The following TENM3 variants were observed in gnomAD, a reference collection of about 807,000 sequenced individuals.
The protein encoded by TENM3 is teneurin transmembrane protein 3, also known as teneurin-3.
TENM3 carries 63 observed loss-of-function variants against 255.1 expected under a neutral mutation model. The ratio of observed to expected loss-of-function variants is 0.25; its 90% CI spans 0.20 to 0.30. The LOEUF (loss-of-function observed/expected upper bound fraction) is 0.30, where lower values mean the gene tolerates loss of function less well. Among genes scored for constraint, TENM3 ranks in the 10% least tolerant of loss-of-function variants. The pLI, the probability that TENM3 is intolerant of heterozygous loss-of-function variation, is 1.00. For missense variants in TENM3, 2,929 were observed against 3,461.1 expected (o/e 0.85, Z 3.86); for synonymous variants, 1,306 against 1,322.3 (o/e 0.99, Z 0.27).
chr4:182,598,426 G>C (rs958466155), intron 3 of TENM3, among the ~76,000 whole-genome samples: 1 of 152,180 alleles, frequency 6.6e-6, no homozygotes, highest in South Asian at 2.1e-4. Context: ...CTTGTACGCT[G>C]TAAGTTCTCA....
intron 1 of TENM3, among the ~76,000 whole-genome samples, chr4:182,216,013 G>T (rs1413403697): frequency 1.3e-5 from 2 of 152,188 alleles, no homozygotes; most frequent in African/African-American, 4.8e-5. Context: ...AAAGTTTATG[G>T]AGAATTTCTT....
the TENM3 span, among the ~76,000 whole-genome samples, chr4:181,888,559 T>TAC: frequency 1.1e-4 from 11 of 101,408 alleles, no homozygotes; most frequent in East Asian, 5.4e-4. Flanking sequence ...TGTATATATA[T>TAC]ACATATATGT....
chr4:182,398,317 T>C (rs1768991881), intron 3 of TENM3, among the ~76,000 whole-genome samples: 1 of 152,104 alleles, frequency 6.6e-6, no homozygotes, highest in Admixed American at 6.5e-5. Flanking sequence ...AGAACCAGAA[T>C]GTAAGGACAA....
chr4:182,080,100 G>A, the TENM3 span, among the ~76,000 whole-genome samples: 1 of 152,200 alleles, frequency 6.6e-6, no homozygotes, highest in Non-Finnish European at 1.5e-5. Context: ...CTTGAATAGT[G>A]AGCTCTTTGT....
At chr4:182,119,806 A>G in the TENM3 span, among the ~76,000 whole-genome samples, 4 of 152,168 alleles carry the variant, frequency 2.6e-5, no homozygotes, top group East Asian at 7.8e-4. Flanking sequence ...TCCTGGGCTC[A>G]AGCTCCCACC....
chr4:182,047,465 G>A, the TENM3 span, among the ~76,000 whole-genome samples: 1 of 149,430 alleles, frequency 6.7e-6, no homozygotes, highest in South Asian at 2.1e-4. Context: ...AGGAGGCTGA[G>A]GCAGGGAAAT....
At chr4:181,761,102 G>T in the TENM3 span, among the ~76,000 whole-genome samples, 189 of 151,478 alleles carry the variant, frequency 1.2e-3, no homozygotes, top group African/African-American at 4.3e-3. Flanking sequence ...TACTCTAAAC[G>T]TCTCTATATT....
intron 3 of TENM3, among the ~76,000 whole-genome samples, chr4:182,448,538 G>C (rs961009695): frequency 1.5e-4 from 23 of 152,224 alleles, no homozygotes; most frequent in African/African-American, 5.3e-4. Context: ...TCCGTTCATG[G>C]GTTGGGAGAG....
At chr4:181,922,187 A>G in the TENM3 span, among the ~76,000 whole-genome samples, 2 of 152,156 alleles carry the variant, frequency 1.3e-5, no homozygotes, top group Admixed American at 6.5e-5. Context: ...ATATTGGTCT[A>G]AAATTCTCTT....
At chr4:182,506,239 G>A (rs750392753) in intron 3 of TENM3, among the ~76,000 whole-genome samples, 37 of 152,106 alleles carry the variant, frequency 2.4e-4, no homozygotes, top group Non-Finnish European at 5.9e-5. Context: ...GATTGTTTTT[G>A]TTTTTGTTCT....
the TENM3 span, among the ~76,000 whole-genome samples, chr4:181,694,924 AAAGGC>A: frequency 1.8e-4 from 27 of 152,306 alleles, no homozygotes; most frequent in African/African-American, 6.0e-4. Flanking sequence ...CCTTAACTTC[AAAGGC>A]AAACTACTTC....
chr4:181,496,273 C>T, the TENM3 span, among the ~76,000 whole-genome samples: 5 of 143,834 alleles, frequency 3.5e-5, no homozygotes, highest in African/African-American at 8.9e-5. Flanking sequence ...AAATCTTTGA[C>T]AATGTGATAT....
At chr4:181,838,138 CA>C in the TENM3 span, among the ~76,000 whole-genome samples, 871 of 143,142 alleles carry the variant, frequency 6.1e-3, 11 homozygotes, top group Middle Eastern at 0.011. Context: ...GACTCCATCT[CA>C]AAAAAAAAAA....
chr4:182,163,789 T>G (rs551593683), intron 1 of TENM3, among the ~76,000 whole-genome samples: 1 of 152,268 alleles, frequency 6.6e-6, no homozygotes, highest in East Asian at 1.9e-4. Flanking sequence ...TTGATTTCCT[T>G]TGCTCTGTGA....
chr4:182,525,773 G>A (rs1375741165), intron 3 of TENM3, among the ~76,000 whole-genome samples: 2 of 152,148 alleles, frequency 1.3e-5, no homozygotes, highest in Admixed American at 1.3e-4. Flanking sequence ...GTTTGCTTGA[G>A]TGGAGTACCA....
chr4:182,050,533 G>T, the TENM3 span, among the ~76,000 whole-genome samples: 2 of 152,204 alleles, frequency 1.3e-5, no homozygotes, highest in African/African-American at 4.8e-5. Flanking sequence ...GCTGACTGCG[G>T]TGGCTCACAC....
chr4:181,493,296 TAAAAA>T, the TENM3 span, among the ~76,000 whole-genome samples: 1 of 124,358 alleles, frequency 8.0e-6, no homozygotes, highest in Admixed American at 8.0e-5. Context: ...AACCAGTCTC[TAAAAA>T]AAAAAAAAAA....
At chr4:182,349,056 T>A (rs1388072503) in intron 3 of TENM3, among the ~76,000 whole-genome samples, 1 of 152,098 alleles carries the variant, frequency 6.6e-6, no homozygotes, top group African/African-American at 2.4e-5. Context: ...ACAGGGAGAG[T>A]GTCAAGGGCC....
chr4:182,653,989 A>T (rs1159517364), intron 6 of TENM3, 96 bp downstream of exon 6: 3 of 1,193,650 alleles, frequency 2.5e-6, no homozygotes, highest in African/African-American at 1.6e-5. Flanking sequence ...TAGATGGAAC[A>T]GGGAAAAGTG....
Sources: allele counts gnomAD v4.1 joint callset (sites outside exome capture counted in the v4.1 genomes callset), GRCh38; gene constraint gnomAD v4.1.1; transcripts MANE v1.5; gene names NCBI Gene and HGNC (gene_info 2026-07-23, HGNC 2026-07-21).